The following MGRN1 variants were observed in gnomAD, a reference collection of about 807,000 sequenced individuals.
MGRN1 encodes the protein mahogunin ring finger 1, also known as E3 ubiquitin-protein ligase MGRN1.
Under a neutral mutation model 69.2 loss-of-function variants are expected in MGRN1, and 29 were observed. The observed-to-expected ratio is 0.42, with a 90% confidence interval of 0.31 to 0.57. MGRN1 has a LOEUF of 0.57. Among genes scored for constraint, MGRN1 ranks in the 20% least tolerant of loss-of-function variants. The pLI is 0.15. For missense variants in MGRN1, 998 were observed against 796.2 expected, an observed-to-expected ratio of 1.25 and a Z score of -3.05; for synonymous variants, 470 against 344.2, an observed-to-expected ratio of 1.37 and a Z score of -4.04.
chr16:4,681,534 C>G lies in MGRN1; in HGVS notation c.1132-16C>G. On this transcript the variant is annotated splice_polypyrimidine_tract_variant and intron_variant, in intron 12 of 16. Coordinates refer to ENST00000262370, the MANE Select transcript of MGRN1 (RefSeq NM_015246.4). ...GTCCCTGGGCATGAGCCCCCTCACG[C>G]ACCCTGTCCCTACAGAACTCTGACA... 6.2e-7 allele frequency: 1 copy of G among 1,604,858 alleles called. No homozygotes were observed. The highest frequency in any genetic ancestry group is 8.5e-7 in the Non-Finnish European group (1 of 1,174,158).
chr16:4,680,173 G>A, intron 12 of MGRN1, 76 bp downstream of exon 12: 10 of 1,421,346 alleles, frequency 7.0e-6, no homozygotes, highest in Non-Finnish European at 8.8e-6. Context: ...AGGGGAGATC[G>A]TTTCCGCCCC....
At chr16:4,650,883 G>C (rs937533068) in intron 2 of MGRN1, 4 of 155,082 alleles carry the variant, frequency 2.6e-5, no homozygotes, top group African/African-American at 9.6e-5. Flanking sequence ...GAGGCGGGCA[G>C]ATCACCTGAG....
intron 11 of MGRN1, among the ~76,000 whole-genome samples, chr16:4,679,580 C>G (rs983593795): frequency 6.6e-6 from 1 of 152,206 alleles, no homozygotes; most frequent in African/African-American, 2.4e-5. Context: ...ACTCTTCTCC[C>G]CAGCCCTCTT....
chr16:4,672,369 A>G (rs1164595485), intron 9 of MGRN1: 2 of 456,686 alleles, frequency 4.4e-6, no homozygotes, highest in Admixed American at 2.3e-5. Flanking sequence ...TAAAAGGCAC[A>G]CTGACATGAG....
chr16:4,661,640 C>T (rs899506759), intron 5 of MGRN1, among the ~76,000 whole-genome samples: 9 of 152,274 alleles, frequency 5.9e-5, no homozygotes, highest in Admixed American at 2.6e-4. Flanking sequence ...CCTGGCTCCA[C>T]CCTTCCTCAC....
At chr16:4,661,393 G>A (rs897386324) in intron 5 of MGRN1, among the ~76,000 whole-genome samples, 4 of 152,174 alleles carry the variant, frequency 2.6e-5, no homozygotes, top group South Asian at 2.1e-4. Flanking sequence ...GCCCTCTCCC[G>A]GAGGAGGCTG....
At chr16:4,683,531 C>T (rs1195244411) in intron 15 of MGRN1, among the ~76,000 whole-genome samples, 1 of 149,162 alleles carries the variant, frequency 6.7e-6, no homozygotes, top group Admixed American at 6.7e-5. Context: ...GGTTTTGAAA[C>T]ATGAGCGTGT....
At chr16:4,670,514 G>A (rs2078915215) in intron 8 of MGRN1, among the ~76,000 whole-genome samples, 2 of 152,220 alleles carry the variant, frequency 1.3e-5, no homozygotes, top group South Asian at 2.1e-4. Context: ...CTAAAGTGCT[G>A]GGATGATAGG....
At chr16:4,668,193 C>A (rs1372717379) in intron 7 of MGRN1, 72 bp from the exon 8 acceptor site, 18 of 1,402,798 alleles carry the variant, frequency 1.3e-5, no homozygotes, top group Non-Finnish European at 1.8e-5. Flanking sequence ...GTGGCCAACC[C>A]AGGCGGCCAC....
chr16:4,625,102 C>G (rs1297926068), intron 1 of MGRN1, 54 bp downstream of exon 1: 1 of 1,461,508 alleles, frequency 6.8e-7, no homozygotes, highest in Non-Finnish European at 9.1e-7. Flanking sequence ...AACGCGGACC[C>G]GGCGGGCGCG....
rs190689555 is a variant in MGRN1 at position 4,684,694 on chromosome 16, C to G, written c.1618+762C>G. ...TCTGCTGGGATAAGATCCTCAGTTT[C>G]GAATCCTAAGCTCTAAAGACCGGGA... is the stretch of plus-strand genomic sequence containing the variant. On this transcript the variant is annotated intron_variant, in intron 16 of 16. Transcript: ENST00000262370. Among the ~76,000 whole-genome samples, 4 of 152,382 alleles carry G rather than the reference C, an allele frequency of 2.6e-5. No homozygotes were observed. The East Asian group carries it at 7.7e-4, about 29-fold the overall frequency.
At chr16:4,659,898 G>C (rs2078637252) in intron 5 of MGRN1, among the ~76,000 whole-genome samples, 1 of 152,196 alleles carries the variant, frequency 6.6e-6, no homozygotes, top group Non-Finnish European at 1.5e-5. Flanking sequence ...CCCTCAGCTG[G>C]CCCTGCTCCA....
At chr16:4,660,442 C>T (rs778547813) in intron 5 of MGRN1, among the ~76,000 whole-genome samples, 2 of 152,238 alleles carry the variant, frequency 1.3e-5, no homozygotes, top group Non-Finnish European at 2.9e-5. Context: ...TTTTATTCCA[C>T]ACCAGTAAAG....
intron 7 of MGRN1, 145 bp downstream of exon 7, chr16:4,665,296 T>A: frequency 1.3e-6 from 1 of 773,704 alleles, no homozygotes; most frequent in Non-Finnish European, 2.1e-6. Context: ...GGCGTGTCTG[T>A]GGCTTCCTGC....
chr16:4,687,370 C>A (rs539251519), intron 16 of MGRN1: 5 of 928,892 alleles, frequency 5.4e-6, no homozygotes, highest in Non-Finnish European at 6.4e-6. Context: ...AAAACATAGA[C>A]CCCCTCTCTA....
At chr16:4,672,751 G>T (rs982953372) in intron 9 of MGRN1, among the ~76,000 whole-genome samples, 18 of 152,164 alleles carry the variant, frequency 1.2e-4, no homozygotes, top group Admixed American at 7.9e-4. Flanking sequence ...TTAGATTTTT[G>T]GCTTTCTTTT....
intron 16 of MGRN1, chr16:4,687,253 T>G: frequency 2.0e-6 from 2 of 985,366 alleles, no homozygotes; most frequent in Non-Finnish European, 2.4e-6. Context: ...GGTGAGTGTT[T>G]TACAGAAGGC....
rs1292564460 is a variant in MGRN1 at position 4,671,478 on chromosome 16, T to C, written c.795+19T>C. 1 of 1,611,866 alleles carries C rather than the reference T, an allele frequency of 6.2e-7. No individual in the cohort carries two copies. Among genetic ancestry groups the C allele is most frequent in the Admixed American group, 1.7e-5 (1 of 59,970 alleles). The stretch of plus-strand genomic sequence containing the variant: ...GACCAAGGTGTGTATCTGGGTGAGG[T>C]TTCCCTCTGCCATTACAGAAGCCCA... On this transcript the variant is annotated intron_variant, in intron 9 of 16. Coordinates refer to ENST00000262370, the MANE Select transcript of MGRN1 (RefSeq NM_015246.4).
At chr16:4,629,664 G>C (rs556662537) in intron 1 of MGRN1, among the ~76,000 whole-genome samples, 3 of 151,806 alleles carry the variant, frequency 2.0e-5, no homozygotes, top group African/African-American at 7.3e-5. Flanking sequence ...GTTTGAACCC[G>C]GGAGGCGGGG....
Sources: gnomAD v4.1 joint callset for allele counts (sites outside exome capture counted in the v4.1 genomes callset) on GRCh38, gnomAD v4.1.1 for gene constraint, MANE v1.5 for transcripts, NCBI Gene and HGNC (gene_info 2026-07-23, HGNC 2026-07-21) for gene names.